MYT1L: variants seen among roughly 807,000 people sequenced by gnomAD.
The protein encoded by MYT1L is myelin transcription factor 1 like, also known as myelin transcription factor 1-like protein.
MYT1L carries 12 observed loss-of-function variants against 126.7 expected under a neutral mutation model. The observed-to-expected ratio is 0.09, with a 90% CI of 0.06 to 0.15. The LOEUF is 0.15. Ranked by LOEUF, MYT1L falls within the 10% of genes least tolerant of loss-of-function variation. The pLI is 1.00. For synonymous variants in MYT1L, 541 were observed against 604.2 expected (o/e 0.90, Z 1.53); for missense variants, 979 against 1,585.2 (o/e 0.62, Z 6.49).
intron 23 of MYT1L, among the ~76,000 whole-genome samples, chr2:1,797,437 G>C (rs1206894578): frequency 6.6e-6 from 1 of 152,184 alleles, no homozygotes; most frequent in Non-Finnish European, 1.5e-5. Context: ...AGCCAGGATG[G>C]TCTCGATTTC....
intron 3 of MYT1L, among the ~76,000 whole-genome samples, chr2:2,106,487 G>A (rs182730951): frequency 3.3e-5 from 5 of 152,192 alleles, no homozygotes; most frequent in East Asian, 1.9e-4. Context: ...GTGTGGTGGC[G>A]CATGCCTGTA....
intron 3 of MYT1L, among the ~76,000 whole-genome samples, chr2:2,058,531 T>C (rs2069926937): frequency 1.3e-5 from 2 of 152,266 alleles, no homozygotes; most frequent in Non-Finnish European, 1.5e-5. Flanking sequence ...TCCATTATGG[T>C]AGACACTTTG....
At chr2:1,872,471 T>C (rs1045835087) in intron 18 of MYT1L, among the ~76,000 whole-genome samples, 2 of 152,204 alleles carry the variant, frequency 1.3e-5, no homozygotes, top group African/African-American at 4.8e-5. Context: ...TGTGGGCTGG[T>C]CAACATTTTT....
intron 5 of MYT1L, among the ~76,000 whole-genome samples, chr2:1,983,612 C>G (rs1246312521): frequency 6.6e-6 from 1 of 152,224 alleles, no homozygotes; most frequent in Non-Finnish European, 1.5e-5. Flanking sequence ...CCTGCCCTGC[C>G]CTTCTCTCCT....
At chr2:1,869,795 A>G (rs2046049340) in intron 18 of MYT1L, among the ~76,000 whole-genome samples, 1 of 152,174 alleles carries the variant, frequency 6.6e-6, no homozygotes, top group African/African-American at 2.4e-5. Flanking sequence ...AAGAAAACCA[A>G]GTACTAAGTT....
rs2070065042 is a variant in MYT1L, at chr2:2,059,294, C to T, written c.-303-5171G>A. On this transcript the variant is annotated intron_variant, in intron 3 of 24. Coordinates refer to ENST00000647738, the MANE Select transcript of MYT1L (RefSeq NM_001303052.2). The surrounding 1 kb of genome is among the most constrained non-coding windows in gnomAD (Gnocchi z 4.7). ...TTTCGCAGGATTGTTTTATTATTTC[C>T]AGTGACTTTCCATGAAAGCACATGC... is the stretch of plus-strand genomic sequence containing the variant. 1.3e-5 allele frequency among the ~76,000 whole-genome samples: 2 copies of T among 152,074 alleles called. No individual in the cohort carries two copies. The highest frequency in any genetic ancestry group is 1.3e-4 in the Admixed American group (2 of 15,272).
At chr2:2,095,221 G>C (rs1261198977) in intron 3 of MYT1L, among the ~76,000 whole-genome samples, 1 of 152,180 alleles carries the variant, frequency 6.6e-6, no homozygotes, top group African/African-American at 2.4e-5. Context: ...CTGGGGAAAA[G>C]GGGCTTTCTG....
At chr2:1,986,785 T>G (rs2061061286) in intron 5 of MYT1L, among the ~76,000 whole-genome samples, 1 of 152,114 alleles carries the variant, frequency 6.6e-6, no homozygotes, top group Non-Finnish European at 1.5e-5. Flanking sequence ...GGTCGTCAGA[T>G]GCTGTGCAAG....
intron 1 of MYT1L, among the ~76,000 whole-genome samples, chr2:2,291,446 C>A (rs537109206): frequency 5.5e-4 from 83 of 152,272 alleles, no homozygotes; most frequent in African/African-American, 1.9e-3. Flanking sequence ...TTACTCCTCG[C>A]GGAAATGGAA....
At chr2:2,096,243 C>T (rs556699415) in intron 3 of MYT1L, among the ~76,000 whole-genome samples, 9 of 152,330 alleles carry the variant, frequency 5.9e-5, no homozygotes, top group South Asian at 4.1e-4. Context: ...CAGGGTGCCA[C>T]GAAGCTCTCA....
intron 21 of MYT1L, among the ~76,000 whole-genome samples, chr2:1,812,648 CG>C (rs1200007025): frequency 2.0e-5 from 3 of 152,014 alleles, no homozygotes; most frequent in Admixed American, 6.5e-5. Context: ...GAGGCCGAGG[CG>C]GACAGATCAT....
intron 2 of MYT1L, among the ~76,000 whole-genome samples, chr2:2,180,188 A>G (rs1200823336): frequency 6.6e-6 from 1 of 152,124 alleles, no homozygotes; most frequent in Admixed American, 6.5e-5. Flanking sequence ...GAATAACAAT[A>G]ATGATAATAG....
At chr2:1,914,030 C>T (rs1025385458) in intron 11 of MYT1L, among the ~76,000 whole-genome samples, 16 of 152,044 alleles carry the variant, frequency 1.1e-4, no homozygotes, top group Middle Eastern at 3.4e-3. Flanking sequence ...CTGAGGCGGG[C>T]GGATCACAAG....
intron 18 of MYT1L, among the ~76,000 whole-genome samples, chr2:1,882,370 G>T (rs114053683): frequency 0.038 from 5,759 of 152,046 alleles, 196 homozygotes; most frequent in Non-Finnish European, 0.058. Context: ...GCTCTCGGGT[G>T]AGCCAAGTCA....
chr2:2,126,953 C>G (rs901893603), intron 3 of MYT1L, among the ~76,000 whole-genome samples: 1 of 152,238 alleles, frequency 6.6e-6, no homozygotes, highest in African/African-American at 2.4e-5. Flanking sequence ...CCCAGCAATT[C>G]TCTTTCTTCA....
intron 3 of MYT1L, among the ~76,000 whole-genome samples, chr2:2,098,557 C>T (rs983980988): frequency 4.6e-5 from 7 of 152,186 alleles, no homozygotes; most frequent in Non-Finnish European, 8.8e-5. Flanking sequence ...TTTGGTGTCA[C>T]ACTAGGGAGG....
At chr2:1,808,095 C>T (rs1056917082) in intron 22 of MYT1L, among the ~76,000 whole-genome samples, 4 of 152,168 alleles carry the variant, frequency 2.6e-5, no homozygotes, top group Admixed American at 6.5e-5. Flanking sequence ...CTGAGACCTC[C>T]CCAGCCATGT....
intron 8 of MYT1L, among the ~76,000 whole-genome samples, chr2:1,961,448 T>G (rs919876183): frequency 3.3e-5 from 5 of 152,360 alleles, no homozygotes; most frequent in African/African-American, 1.2e-4. Context: ...CTGTCCCTGG[T>G]TAGCCTGTGT....
chr2:2,020,868 G>A (rs1273463779), intron 4 of MYT1L, among the ~76,000 whole-genome samples: 2 of 151,938 alleles, frequency 1.3e-5, no homozygotes, highest in Non-Finnish European at 2.9e-5. Context: ...AGTTTATTTG[G>A]GATTGATGTA....
Sources: gnomAD v4.1 joint callset for allele counts (sites outside exome capture counted in the v4.1 genomes callset) on GRCh38, gnomAD v4.1.1 for gene constraint, Gnocchi (gnomAD v3.1) non-coding constraint, MANE v1.5 for transcripts, NCBI Gene and HGNC (gene_info 2026-07-23, HGNC 2026-07-21) for gene names.